Variants in DBF4B observed in about 807,000 individuals in gnomAD.
DBF4B encodes DBF4B-CDC7 kinase regulatory subunit.
Under a neutral mutation model 53.4 loss-of-function variants are expected in DBF4B, and 49 were observed. That is an observed-to-expected ratio of 0.92 (90% CI 0.73 to 1.16). The LOEUF (loss-of-function observed/expected upper bound fraction) is 1.16, where lower values mean the gene tolerates loss of function less well. DBF4B is among the 50% of genes most tolerant of loss of function. The pLI is 0.00. For synonymous variants in DBF4B, 257 were observed against 288.7 expected (o/e 0.89, Z 1.11); for missense variants, 692 against 775.0 (o/e 0.89, Z 1.27).
At position 44,722,750 on chromosome 17, in the gene DBF4B, AGCTGTCT is replaced by A. The variant is rs912201807; in HGVS notation, c.83-128_83-122del. 3.9e-6 allele frequency: 4 copies of A among 1,015,714 alleles called. No individual in the cohort carries two copies. In the African/African-American group the frequency reaches 6.5e-5, roughly 17 times the overall value. 62.9% of individuals were successfully genotyped at this position (1,015,714 alleles called of 1,614,324 possible). A position where few individuals can be genotyped will look rare whatever the true frequency, so the allele number is the denominator to read the frequency against. On this transcript the variant is annotated intron_variant, in intron 2 of 13. Transcript: ENST00000315005. ...CTGAGGGTAAGGGCATTGGCTTCAC[AGCTGTCT>A]GTGTGTGCCCAGGGTCTAGTCTGTG...
chr17:44,716,392 T>C (rs1186479017), intron 2 of DBF4B, among the ~76,000 whole-genome samples: 20 of 152,108 alleles, frequency 1.3e-4, no homozygotes, highest in Admixed American at 1.3e-3. Context: ...GGGCAACAGA[T>C]CTGTAGGTCT....
Position 44,749,541 on chromosome 17 carries a change from C to T in DBF4B, c.1190-1054C>T. 1.6e-6 allele frequency: 2 copies of T among 1,226,676 alleles called. No homozygotes were observed. Among genetic ancestry groups the T allele is most frequent in the Non-Finnish European group, 2.1e-6 (2 of 957,898 alleles). The allele number at this position is 1,226,676 out of a possible 1,614,324, so 76.0% of individuals were successfully genotyped here. On this transcript the variant is annotated intron_variant, in intron 13 of 13. Coordinates refer to ENST00000315005, the MANE Select transcript of DBF4B (RefSeq NM_145663.3). This position sits in a 1 kb window ranked among gnomAD's most constrained non-coding sequence, Gnocchi z 4.4. Reference sequence around the variant, plus strand: ...CAGCTCCATGGAGCTGACAGAGCCACCCCTCCCACTGGCCAGGTCTTTGGG... The same window carrying T: ...CAGCTCCATGGAGCTGACAGAGCCATCCCTCCCACTGGCCAGGTCTTTGGG...
At chr17:44,708,998 A>G in intron 1 of DBF4B, 159 bp downstream of exon 1, 1 of 1,017,388 alleles carries the variant, frequency 9.8e-7, no homozygotes, top group Non-Finnish European at 1.4e-6. Context: ...AGTTGAGGGG[A>G]CCGAGGAATG....
rs546182720 is a variant in DBF4B at position 44,740,233 on chromosome 17, A to G, written c.714-1103A>G. ...GGTACCCCCTTCTCCTTAAGGGTCC[A>G]AGAAGACTTATTTGTTAATTCACTG... On this transcript the variant is annotated intron_variant, in intron 9 of 13. Coordinates refer to ENST00000315005, the MANE Select transcript of DBF4B (RefSeq NM_145663.3). Among the ~76,000 whole-genome samples, 3 of 152,318 alleles carry G rather than the reference A, an allele frequency of 2.0e-5. No individual in the cohort carries two copies. The South Asian group carries it at 6.2e-4, about 32-fold the overall frequency.
intron 2 of DBF4B, among the ~76,000 whole-genome samples, chr17:44,712,734 C>T (rs113266905): frequency 3.2e-4 from 49 of 151,226 alleles, no homozygotes; most frequent in African/African-American, 1.2e-3. Flanking sequence ...CCACCACACC[C>T]GGCCTGTCTT....
chr17:44,748,096 T>C (rs1283180306), intron 12 of DBF4B, among the ~76,000 whole-genome samples: 1 of 152,228 alleles, frequency 6.6e-6, no homozygotes, highest in Non-Finnish European at 1.5e-5. Flanking sequence ...TGAAATGGAA[T>C]AGCCTCTAAC....
Position 44,749,310 on chromosome 17 carries a change from A to G in DBF4B, c.1189+845A>G, listed in dbSNP as rs1440794582. The stretch of plus-strand genomic sequence containing the variant: ...CCCATGCTGGCAGAGAGCTGCTCCT[A>G]CGAGTCCCCAAGGTGCTTGGCTCTT... On this transcript the variant is annotated intron_variant, in intron 13 of 13. Transcript: ENST00000315005. The surrounding 1 kb of genome is among the most constrained non-coding windows in gnomAD (Gnocchi z 4.4). The G allele has an allele frequency of 3.9e-6, 5 of 1,289,880 alleles. No homozygotes were observed. The highest frequency in any genetic ancestry group is 4.6e-5 in the Admixed American group (2 of 43,538). The allele number at this position is 1,289,880 out of a possible 1,614,324, so 79.9% of individuals were successfully genotyped here.
chr17:44,750,697 T>C lies in DBF4B; in HGVS notation c.1292T>C (p.Leu431Pro). The change falls in exon 14 of 14, where the codon CTG becomes CCG. Residue 431 changes from leucine (L) to proline (P), a missense_variant. Physicochemically the swap from Leu to Pro is moderately conservative, Grantham distance 98. Transcript: ENST00000315005. Reference protein sequence around the residue: ...SHTCVSATTLLPALPKGSREQ... With the variant: ...SHTCVSATTLPPALPKGSREQ... Reference sequence around the variant, plus strand: ...ACATGTGTGAGTGCCACAACCCTCCTGCCGGCCTTGCCCAAGGGCTCCAGG... The same window carrying C: ...ACATGTGTGAGTGCCACAACCCTCCCGCCGGCCTTGCCCAAGGGCTCCAGG... The C allele has an allele frequency of 1.2e-6, 2 of 1,614,088 alleles. No homozygotes were observed. The highest frequency in any genetic ancestry group is 1.7e-6 in the Non-Finnish European group (2 of 1,180,014).
intron 13 of DBF4B, chr17:44,748,775 T>C (rs928380331): frequency 4.5e-6 from 6 of 1,321,400 alleles, no homozygotes; most frequent in Non-Finnish European, 5.9e-6. Context: ...TCATTTTTTG[T>C]CCCAATAGCC....
Position 44,734,082 on chromosome 17 carries a change from C to T in DBF4B, c.557-8C>T, listed in dbSNP as rs1276860885. On this transcript the variant is annotated splice_polypyrimidine_tract_variant and splice_region_variant and intron_variant, in intron 6 of 13. Transcript: ENST00000315005. ...GCCTTTGGCACAAACCCTCTGTCTT[C>T]TCCACAGAAATGATGATGCACGTGC... 7 of 1,611,986 alleles carry T rather than the reference C, an allele frequency of 4.3e-6. No homozygotes were observed. Among genetic ancestry groups the T allele is most frequent in the Non-Finnish European group, 5.9e-6 (7 of 1,178,172 alleles).
At chr17:44,735,144 C>T (rs1975250598) in intron 7 of DBF4B, among the ~76,000 whole-genome samples, 1 of 152,158 alleles carries the variant, frequency 6.6e-6, no homozygotes, top group East Asian at 1.9e-4. Context: ...ACACTGACGC[C>T]CTCTCCACAC....
intron 5 of DBF4B, 108 bp from the exon 6 acceptor site, chr17:44,732,070 C>A: frequency 9.8e-7 from 1 of 1,016,590 alleles, no homozygotes; most frequent in Non-Finnish European, 1.5e-6. Context: ...TCCCTGCAGT[C>A]CCTCCCATGG....
chr17:44,738,393 G>T lies in DBF4B; in HGVS notation c.682G>T (p.Ala228Ser), dbSNP rs1975671746. Residue 228 changes from alanine to serine, a missense_variant, in exon 9 of 14, where the codon GCC becomes TCC. Ala to Ser is a moderately conservative substitution (Grantham distance 99, BLOSUM62 1). This residue lies in a region of DBF4B where 597 missense variants were observed against 665.8 expected (regional missense o/e 0.90). Coordinates refer to ENST00000315005, the MANE Select transcript of DBF4B (RefSeq NM_145663.3). The stretch of plus-strand genomic sequence containing the variant: ...TCCCCTTTCAGTGGCCAGACTGAAG[G>T]CCCCGTTCCTCAAAATCGAAGATGA... ...SRTRKVARLK[A>S]PFLKIEDESR... The T allele has an allele frequency of 6.2e-7, 1 of 1,613,824 alleles. No homozygotes were observed. Among genetic ancestry groups the T allele is most frequent in the African/African-American group, 1.3e-5 (1 of 75,050 alleles).
At chr17:44,724,474 T>A (rs1974120420) in intron 3 of DBF4B, among the ~76,000 whole-genome samples, 1 of 151,822 alleles carries the variant, frequency 6.6e-6, no homozygotes, top group African/African-American at 2.4e-5. Flanking sequence ...GCCTCACGGG[T>A]TCATGCCATT....
chr17:44,749,093 C>T lies in DBF4B; in HGVS notation c.1189+628C>T. On this transcript the variant is annotated intron_variant, in intron 13 of 13. Transcript: ENST00000315005. The surrounding 1 kb of genome is among the most constrained non-coding windows in gnomAD (Gnocchi z 4.4). ...CCCACAGCTCCAGGCTGGCCATCAG[C>T]TCCCCTGTACTCAGCTACCAGTGTG... The T allele has an allele frequency of 7.8e-7, 1 of 1,289,800 alleles. No homozygotes were observed. The highest frequency in any genetic ancestry group is 1.0e-6 in the Non-Finnish European group (1 of 988,834). 79.9% of individuals were successfully genotyped at this position (1,289,800 alleles called of 1,614,324 possible).
At position 44,749,185 on chromosome 17, in the gene DBF4B, G is replaced by A. The variant is rs999439351; in HGVS notation, c.1189+720G>A. The A allele has an allele frequency of 3.1e-6, 4 of 1,289,822 alleles. No individual in the cohort carries two copies. The highest frequency in any genetic ancestry group is 1.2e-5 in the South Asian group (1 of 81,170). The allele number at this position is 1,289,822 out of a possible 1,614,324, so 79.9% of individuals were successfully genotyped here. ...CCTGCAGCCCCTGCCAGCCAGTGCG[G>A]GAGCCAGCTGTTCCCGATGCCTCTG... is the stretch of plus-strand genomic sequence containing the variant. On this transcript the variant is annotated intron_variant, in intron 13 of 13. Coordinates refer to ENST00000315005, the MANE Select transcript of DBF4B (RefSeq NM_145663.3). The surrounding 1 kb of genome is among the most constrained non-coding windows in gnomAD (Gnocchi z 4.4).
At chr17:44,710,116 C>G (rs181775717) in intron 2 of DBF4B, among the ~76,000 whole-genome samples, 179 of 151,636 alleles carry the variant, frequency 1.2e-3, no homozygotes, top group African/African-American at 4.1e-3. Flanking sequence ...GAGGTTGCAG[C>G]GAGCCGAGAT....
intron 2 of DBF4B, among the ~76,000 whole-genome samples, chr17:44,710,976 A>ATTTTTTTTTTTTTTTTTTTTTTTTTT (rs10522434): frequency 1.0e-5 from 1 of 98,304 alleles, no homozygotes; most frequent in Non-Finnish European, 1.9e-5. Context: ...TTCCAGTTTG[A>ATTTTTTTTTTTTTTTTTTTTTTTTTT]TTTTTTTTTT....
At chr17:44,713,190 C>T (rs897499257) in intron 2 of DBF4B, among the ~76,000 whole-genome samples, 5 of 150,256 alleles carry the variant, frequency 3.3e-5, no homozygotes, top group African/African-American at 9.7e-5. Context: ...CAGGCACCCA[C>T]GACCAGGCCC....
Sources: allele counts gnomAD v4.1 joint callset (sites outside exome capture counted in the v4.1 genomes callset), GRCh38; gene constraint gnomAD v4.1.1; regional missense constraint gnomAD v4.1.1; non-coding constraint Gnocchi (gnomAD v3.1); transcripts MANE v1.5; gene names NCBI Gene and HGNC (gene_info 2026-07-23, HGNC 2026-07-21).